The following QKI variants were observed in gnomAD, a reference collection of about 807,000 sequenced individuals.
QKI encodes QKI, KH domain containing RNA binding.
A neutral mutation model predicts 39.0 loss-of-function variants in QKI; 10 were observed. That is an observed-to-expected ratio of 0.26 (90% confidence interval 0.16 to 0.43). QKI has a LOEUF of 0.43. Ranked by LOEUF, QKI falls within the 20% of genes least tolerant of loss-of-function variation. The pLI, the probability that QKI is intolerant of heterozygous loss-of-function variation, is 1.00. For missense variants in QKI, 218 were observed against 428.0 expected, an observed-to-expected ratio of 0.51 and a Z score of 4.33; for synonymous variants, 204 against 155.4, an observed-to-expected ratio of 1.31 and a Z score of -2.33.
At chr6:163,567,428 G>T in intron 7 of QKI, 1 of 985,554 alleles carries the variant, frequency 1.0e-6, no homozygotes, top group Non-Finnish European at 1.2e-6. Flanking sequence ...TGCCAAAATG[G>T]ATCCTTTGAT....
chr6:163,477,726 C>T (rs1247981756), intron 2 of QKI, among the ~76,000 whole-genome samples: 1 of 152,142 alleles, frequency 6.6e-6, no homozygotes, highest in Non-Finnish European at 1.5e-5. Context: ...GGCGTACTAC[C>T]TACCACCTTT....
At chr6:163,521,689 A>G (rs1172522180) in intron 3 of QKI, among the ~76,000 whole-genome samples, 5 of 151,812 alleles carry the variant, frequency 3.3e-5, no homozygotes, top group African/African-American at 1.2e-4. Context: ...TGCCCAGCTC[A>G]TTTTTGTACT....
At chr6:163,467,696 T>C (rs900553826) in intron 2 of QKI, among the ~76,000 whole-genome samples, 2 of 152,212 alleles carry the variant, frequency 1.3e-5, no homozygotes, top group African/African-American at 4.8e-5. Flanking sequence ...ATTTAGCCAC[T>C]TATTAATTTA....
chr6:163,512,165 C>T (rs144663471), intron 3 of QKI, among the ~76,000 whole-genome samples: 151 of 151,964 alleles, frequency 9.9e-4, no homozygotes, highest in African/African-American at 3.4e-3. Context: ...TAAAGCTTCC[C>T]AGCAAACTTA....
chr6:163,417,652 T>C (rs1160352150), intron 1 of QKI, among the ~76,000 whole-genome samples: 1 of 152,220 alleles, frequency 6.6e-6, no homozygotes, highest in Non-Finnish European at 1.5e-5. Context: ...GTTTGCGTTT[T>C]AAATGTAAGA....
At chr6:163,547,312 A>G (rs1781945402) in intron 4 of QKI, among the ~76,000 whole-genome samples, 1 of 152,226 alleles carries the variant, frequency 6.6e-6, no homozygotes, top group African/African-American at 2.4e-5. Flanking sequence ...TAGATTTCAT[A>G]ATGTAAATGA....
intron 2 of QKI, among the ~76,000 whole-genome samples, chr6:163,463,134 A>G (rs144697645): frequency 8.9e-4 from 136 of 152,346 alleles, no homozygotes; most frequent in South Asian, 7.5e-3. Context: ...TAGAGTTTCT[A>G]TAAACTGAGT....
intron 2 of QKI, among the ~76,000 whole-genome samples, chr6:163,459,425 G>C (rs547562164): frequency 1.3e-5 from 2 of 152,110 alleles, no homozygotes; most frequent in South Asian, 4.1e-4. Context: ...AATGCACAGG[G>C]CAGTCAGCCT....
intron 2 of QKI, among the ~76,000 whole-genome samples, chr6:163,460,100 A>G (rs896695206): frequency 1.3e-5 from 2 of 152,212 alleles, no homozygotes; most frequent in Admixed American, 6.5e-5. Context: ...AATATTGGCA[A>G]GGTCTAGCTG....
At chr6:163,453,315 T>C (rs7758706) in intron 1 of QKI, among the ~76,000 whole-genome samples, 14,695 of 152,144 alleles carry the variant, frequency 0.097, 836 homozygotes, top group East Asian at 0.26. Context: ...ATTTTATCTA[T>C]AGTTTTCTTT....
At chr6:163,436,629 C>T (rs906804581) in intron 1 of QKI, among the ~76,000 whole-genome samples, 2 of 151,802 alleles carry the variant, frequency 1.3e-5, no homozygotes, top group Non-Finnish European at 2.9e-5. Flanking sequence ...GCCAGGCCAA[C>T]ATGGTGAAAC....
At chr6:163,476,212 A>C (rs1019408614) in intron 2 of QKI, among the ~76,000 whole-genome samples, 33 of 152,296 alleles carry the variant, frequency 2.2e-4, no homozygotes, top group Middle Eastern at 3.4e-3. Context: ...ATAAATTTTT[A>C]TACTATACGG....
intron 3 of QKI, among the ~76,000 whole-genome samples, chr6:163,517,031 A>AGG (rs1274120046): frequency 2.1e-4 from 32 of 149,020 alleles, no homozygotes; most frequent in Non-Finnish European, 4.4e-5. Flanking sequence ...GAGAAGCAGT[A>AGG]GGGGACACAC....
chr6:163,552,206 CTTTTT>C (rs35060699), intron 4 of QKI, among the ~76,000 whole-genome samples: 6 of 101,770 alleles, frequency 5.9e-5, no homozygotes, highest in African/African-American at 2.3e-4. Context: ...TTCGTTCGTT[CTTTTT>C]TTTTTTTTTT....
At chr6:163,569,896 T>C (rs1461228638) in intron 7 of QKI, 1 of 987,182 alleles carries the variant, frequency 1.0e-6, no homozygotes, top group Admixed American at 6.1e-5. Flanking sequence ...GTGTAGAATT[T>C]TAAATGGCAG....
chr6:163,482,156 G>A (rs948085081), intron 3 of QKI, among the ~76,000 whole-genome samples: 1 of 152,058 alleles, frequency 6.6e-6, no homozygotes, highest in Non-Finnish European at 1.5e-5. Flanking sequence ...CTGCACTCCA[G>A]CTTGGGTGAC....
intron 6 of QKI, chr6:163,564,143 T>C (rs1783207259): frequency 9.7e-7 from 1 of 1,026,526 alleles, no homozygotes; most frequent in African/African-American, 1.7e-5. Flanking sequence ...GAAAGTAGTC[T>C]GAGCGCTTTA....
Position 163,484,361 on chromosome 6 carries a change from A to G in QKI, c.402+5465A>G, listed in dbSNP as rs202032646. On this transcript the variant is annotated intron_variant, in intron 3 of 7. Transcript: ENST00000361752. ...GTTAGAGGCATGCACCACCACACCCAGCTAATTTTTTGTATTTTTAGTAGA... is the reference window on the plus strand; with the variant it reads ...GTTAGAGGCATGCACCACCACACCCGGCTAATTTTTTGTATTTTTAGTAGA... Among the ~76,000 whole-genome samples, 102 of 152,148 alleles carry G rather than the reference A, an allele frequency of 6.7e-4. No individual in the cohort carries two copies. The East Asian group carries it at 0.017, about 26-fold the overall frequency.
intron 1 of QKI, among the ~76,000 whole-genome samples, chr6:163,432,314 G>A (rs368678947): frequency 1.3e-5 from 2 of 152,004 alleles, no homozygotes; most frequent in East Asian, 3.8e-4. Context: ...GTGAATCTAG[G>A]TCTAGGAACA....
Sources: gnomAD v4.1 joint callset for allele counts (sites outside exome capture counted in the v4.1 genomes callset) on GRCh38, gnomAD v4.1.1 for gene constraint, MANE v1.5 for transcripts, NCBI Gene and HGNC (gene_info 2026-07-23, HGNC 2026-07-21) for gene names.